Variants in C8orf34 observed in about 807,000 individuals in gnomAD.
C8orf34 encodes the protein uncharacterized protein C8orf34.
Under a neutral mutation model 68.3 loss-of-function variants are expected in C8orf34, and 65 were observed. The observed-to-expected ratio is 0.95, with a 90% CI of 0.78 to 1.17. The LOEUF is 1.17. Among genes scored for constraint, C8orf34 ranks in the 50% most tolerant of loss-of-function variants. The pLI, the probability that C8orf34 is intolerant of heterozygous loss-of-function variation, is 0.00. For missense variants in C8orf34, 664 were observed against 655.4 expected (o/e 1.01, Z -0.14); for synonymous variants, 244 against 241.2 (o/e 1.01, Z -0.11).
intron 9 of C8orf34, among the ~76,000 whole-genome samples, chr8:68,719,631 A>C (rs1004187218): frequency 2.6e-5 from 4 of 151,938 alleles, no homozygotes; most frequent in African/African-American, 9.7e-5. Flanking sequence ...GAATGAATAC[A>C]TAAATAATCA....
intron 8 of C8orf34, among the ~76,000 whole-genome samples, chr8:68,664,956 T>C (rs527843334): frequency 3.3e-5 from 5 of 152,318 alleles, no homozygotes; most frequent in African/African-American, 1.2e-4. Flanking sequence ...ATCCCATGTT[T>C]TAGAGTGGAA....
At position 68,356,810 on chromosome 8, in the gene C8orf34, G is replaced by C. The variant is rs112573643; in HGVS notation, c.327+25471G>C. ...GAAATATACTGATAATTTTAGATTG[G>C]AAGTTTTCCCTTTAATATAAAAAAG... On this transcript the variant is annotated intron_variant, in intron 1 of 13. Coordinates refer to ENST00000518698, the MANE Select transcript of C8orf34 (RefSeq NM_052958.4). Among the ~76,000 whole-genome samples the C allele has an allele frequency of 4.6e-3, 703 of 152,134 alleles. 7 individuals carry two copies. Among genetic ancestry groups the C allele is most frequent in the African/African-American group, 0.016 (660 of 41,532 alleles).
chr8:68,649,167 A>G (rs1042368439), intron 8 of C8orf34, among the ~76,000 whole-genome samples: 1 of 152,060 alleles, frequency 6.6e-6, no homozygotes, highest in Non-Finnish European at 1.5e-5. Context: ...CATAAAGCTG[A>G]CCTCCCAGGC....
At position 68,660,107 on chromosome 8, in the gene C8orf34, G is replaced by A. The variant is rs371185526; in HGVS notation, c.1241+19596G>A. On this transcript the variant is annotated intron_variant, in intron 8 of 13. Transcript: ENST00000518698. ...GGGGATTCATCCAAGGGGAGTGTCTGTGGTACAGGGACACAGTTACCCATC... is the reference window on the plus strand; with the variant it reads ...GGGGATTCATCCAAGGGGAGTGTCTATGGTACAGGGACACAGTTACCCATC... Among the ~76,000 whole-genome samples the A allele has an allele frequency of 2.6e-4, 39 of 152,282 alleles. No homozygotes were observed. In the East Asian group the frequency reaches 4.9e-3, roughly 19 times the overall value.
At chr8:68,415,590 A>C (rs957926654) in intron 1 of C8orf34, among the ~76,000 whole-genome samples, 4 of 152,196 alleles carry the variant, frequency 2.6e-5, no homozygotes, top group Admixed American at 2.0e-4. Context: ...CACTGTGTGT[A>C]GATTAGTTAT....
chr8:68,423,372 T>C (rs1810068103), intron 1 of C8orf34, among the ~76,000 whole-genome samples: 1 of 152,148 alleles, frequency 6.6e-6, no homozygotes, highest in African/African-American at 2.4e-5. Flanking sequence ...TGCCAAAGCA[T>C]AGCAAGATGG....
chr8:68,419,800 G>C (rs1057096542), intron 1 of C8orf34, among the ~76,000 whole-genome samples: 1 of 140,242 alleles, frequency 7.1e-6, no homozygotes, highest in Admixed American at 7.6e-5. Flanking sequence ...GACACAGGAA[G>C]GGGAACATCA....
intron 5 of C8orf34, among the ~76,000 whole-genome samples, chr8:68,507,949 T>C (rs1049930536): frequency 6.6e-6 from 1 of 152,244 alleles, no homozygotes; most frequent in African/African-American, 2.4e-5. Flanking sequence ...CATTTCAATT[T>C]TTTTCAGAGG....
intron 1 of C8orf34, among the ~76,000 whole-genome samples, chr8:68,414,012 C>A (rs534261366): frequency 1.3e-5 from 2 of 152,262 alleles, no homozygotes; most frequent in South Asian, 4.1e-4. Context: ...ATGTATCAAC[C>A]TCTCCAATAC....
At chr8:68,389,026 G>A (rs961683334) in intron 1 of C8orf34, among the ~76,000 whole-genome samples, 1 of 152,104 alleles carries the variant, frequency 6.6e-6, no homozygotes, top group East Asian at 1.9e-4. Flanking sequence ...TGGATTACAA[G>A]GTATGCTACC....
chr8:68,392,925 A>G (rs1274023375), intron 1 of C8orf34, among the ~76,000 whole-genome samples: 1 of 152,180 alleles, frequency 6.6e-6, no homozygotes, highest in Non-Finnish European at 1.5e-5. Context: ...GGAATGTATT[A>G]GAAAAACACA....
intron 12 of C8orf34, among the ~76,000 whole-genome samples, chr8:68,814,780 A>G (rs1824759122): frequency 6.6e-6 from 1 of 152,196 alleles, no homozygotes; most frequent in Admixed American, 6.6e-5. Flanking sequence ...TGAAATGACA[A>G]CCAAATCAAT....
chr8:68,643,212 G>C (rs1285496413), intron 8 of C8orf34, among the ~76,000 whole-genome samples: 9 of 152,166 alleles, frequency 5.9e-5, no homozygotes, highest in Admixed American at 2.6e-4. Context: ...GTCATACGTT[G>C]ATGTGATTAT....
At chr8:68,375,430 A>G (rs2129619929) in intron 1 of C8orf34, among the ~76,000 whole-genome samples, 2 of 152,350 alleles carry the variant, frequency 1.3e-5, no homozygotes, top group South Asian at 4.1e-4. Flanking sequence ...ATCCCTAACA[A>G]ATAGTCATGT....
chr8:68,755,123 C>A (rs545137546), intron 10 of C8orf34, among the ~76,000 whole-genome samples: 2 of 152,224 alleles, frequency 1.3e-5, no homozygotes, highest in African/African-American at 4.8e-5. Flanking sequence ...AAATTTCTTC[C>A]TTTCGACTTG....
At chr8:68,464,346 A>G (rs1351148840) in intron 3 of C8orf34, among the ~76,000 whole-genome samples, 1 of 152,198 alleles carries the variant, frequency 6.6e-6, no homozygotes, top group Non-Finnish European at 1.5e-5. Flanking sequence ...GGTAGGAAGA[A>G]TCAAGATCGT....
intron 1 of C8orf34, among the ~76,000 whole-genome samples, chr8:68,374,650 A>C (rs1363590591): frequency 6.6e-6 from 1 of 152,234 alleles, no homozygotes; most frequent in African/African-American, 2.4e-5. Context: ...TCTAAGTAAA[A>C]TATACTAACC....
At chr8:68,611,631 A>G (rs1176684853) in intron 7 of C8orf34, among the ~76,000 whole-genome samples, 1 of 152,138 alleles carries the variant, frequency 6.6e-6, no homozygotes, top group Non-Finnish European at 1.5e-5. Context: ...CTTTTCCCTC[A>G]AGTTTTATAA....
intron 8 of C8orf34, among the ~76,000 whole-genome samples, chr8:68,646,076 A>G (rs1819162524): frequency 6.6e-6 from 1 of 152,056 alleles, no homozygotes; most frequent in African/African-American, 2.4e-5. Flanking sequence ...TGTCACTTAA[A>G]ATTTTAGTTA....
Sources: gnomAD v4.1 joint callset for allele counts (sites outside exome capture counted in the v4.1 genomes callset) on GRCh38, gnomAD v4.1.1 for gene constraint, MANE v1.5 for transcripts, NCBI Gene and HGNC (gene_info 2026-07-23, HGNC 2026-07-21) for gene names.